CATSPERB: variants seen among roughly 807,000 people sequenced by gnomAD.
CATSPERB encodes the protein catsper channel auxiliary subunit beta, also known as cation channel sperm-associated auxiliary subunit beta.
In CATSPERB, 93 loss-of-function variants were observed where a neutral mutation model predicts 128.3. The ratio of observed to expected loss-of-function variants is 0.72; its 90% confidence interval spans 0.61 to 0.86. CATSPERB has a LOEUF of 0.86. Among genes scored for constraint, CATSPERB ranks in the 40% least tolerant of loss-of-function variants. CATSPERB has a pLI of 0.00. For synonymous variants in CATSPERB, 381 were observed against 448.8 expected (o/e 0.85, Z 1.91); for missense variants, 1,153 against 1,329.5 (o/e 0.87, Z 2.06).
chr14:91,651,626 AC>A (rs1894706268), intron 15 of CATSPERB, among the ~76,000 whole-genome samples: 1 of 152,142 alleles, frequency 6.6e-6, no homozygotes, highest in African/African-American at 2.4e-5. Flanking sequence ...TGAACAGATG[AC>A]CACTTATGCC....
In CATSPERB at chr14:91,711,078, G is replaced by A. The variant is rs75064198; in HGVS notation, c.371-2842C>T. Among the ~76,000 whole-genome samples the A allele has an allele frequency of 3.3e-5, 5 of 152,290 alleles. No homozygotes were observed. The East Asian group carries it at 9.6e-4, about 29-fold the overall frequency. ...TATGTGAAACTTAAAGACATCAGCT[G>A]AGTCCATCTGATAATTCAGTGCCAG... On this transcript the variant is annotated intron_variant, in intron 5 of 26. Coordinates refer to ENST00000256343, the MANE Select transcript of CATSPERB (RefSeq NM_024764.4).
At chr14:91,685,819 G>C (rs1895364200) in intron 10 of CATSPERB, among the ~76,000 whole-genome samples, 1 of 152,174 alleles carries the variant, frequency 6.6e-6, no homozygotes, top group Non-Finnish European at 1.5e-5. Flanking sequence ...CAGGCAGGAT[G>C]GCTGCAGTAG....
At chr14:91,674,856 T>G (rs1467210550) in intron 11 of CATSPERB, among the ~76,000 whole-genome samples, 3 of 152,182 alleles carry the variant, frequency 2.0e-5, no homozygotes, top group Non-Finnish European at 4.4e-5. Flanking sequence ...AGATAGCCAC[T>G]GGGACAGGAC....
chr14:91,676,828 CAA>C (rs1895199719), intron 11 of CATSPERB, among the ~76,000 whole-genome samples: 1 of 152,208 alleles, frequency 6.6e-6, no homozygotes, highest in African/African-American at 2.4e-5. Context: ...AACTATACTA[CAA>C]GTCTACAGTA....
chr14:91,641,137 C>A (rs955432718), intron 15 of CATSPERB, among the ~76,000 whole-genome samples: 3 of 143,120 alleles, frequency 2.1e-5, no homozygotes, highest in African/African-American at 7.9e-5. Context: ...TGGATATTAG[C>A]CCTTTGTCAG....
chr14:91,682,775 T>C (rs370810358), intron 11 of CATSPERB, among the ~76,000 whole-genome samples: 1 of 152,188 alleles, frequency 6.6e-6, no homozygotes, highest in East Asian at 1.9e-4. Flanking sequence ...GATGTAGAAT[T>C]ACAAGTAGAG....
chr14:91,617,486 T>C, intron 20 of CATSPERB, 111 bp downstream of exon 20: 1 of 701,238 alleles, frequency 1.4e-6, no homozygotes, highest in Non-Finnish European at 2.3e-6. Flanking sequence ...CTCTTATGTG[T>C]GTATTTATAA....
At chr14:91,699,640 C>G (rs1012383815) in intron 7 of CATSPERB, among the ~76,000 whole-genome samples, 3 of 150,374 alleles carry the variant, frequency 2.0e-5, no homozygotes, top group Non-Finnish European at 4.4e-5. Flanking sequence ...ATGGCGCGGT[C>G]TCGGCTCACT....
chr14:91,690,737 G>T (rs1895453797), intron 10 of CATSPERB, among the ~76,000 whole-genome samples: 1 of 152,242 alleles, frequency 6.6e-6, no homozygotes, highest in Non-Finnish European at 1.5e-5. Flanking sequence ...TAGACAGTGT[G>T]AATGTGGGTA....
intron 19 of CATSPERB, among the ~76,000 whole-genome samples, chr14:91,620,435 C>T (rs1306750282): frequency 6.6e-6 from 1 of 152,106 alleles, no homozygotes; most frequent in African/African-American, 2.4e-5. Flanking sequence ...TTTGAAGTTC[C>T]CTTTTCATTT....
chr14:91,639,290 A>G, intron 15 of CATSPERB, 40 bp from the exon 16 acceptor site: 1 of 1,568,984 alleles, frequency 6.4e-7, no homozygotes, highest in Non-Finnish European at 8.7e-7. Flanking sequence ...TACTGATGTA[A>G]CAGAAGTCGA....
Position 91,619,556 on chromosome 14 carries a change from A to ATTTTTT in CATSPERB, c.2261-1821_2261-1820insAAAAAA, listed in dbSNP as rs1566706237. On this transcript the variant is annotated intron_variant, in intron 19 of 26. Coordinates refer to ENST00000256343, the MANE Select transcript of CATSPERB (RefSeq NM_024764.4). ...TTTTTCAAATAAGCCTTTTTTTTAA[A>ATTTTTT]AAAAAAATAGCATTTTGTCCTTTCA... Among the ~76,000 whole-genome samples, 308 of 54,928 alleles carry ATTTTTT rather than the reference A, an allele frequency of 5.6e-3. 1 individual carries two copies. The highest frequency in any genetic ancestry group is 0.014 in the Middle Eastern group (1 of 70). 36.0% of individuals were successfully genotyped at this position (54,928 alleles called of 152,430 possible).
chr14:91,598,270 G>T (rs1893544463), intron 22 of CATSPERB, among the ~76,000 whole-genome samples: 1 of 150,312 alleles, frequency 6.7e-6, no homozygotes. Context: ...CTTTAAATAA[G>T]CTTTGAATTA....
intron 21 of CATSPERB, among the ~76,000 whole-genome samples, chr14:91,609,946 C>T (rs934011746): frequency 6.6e-6 from 1 of 151,964 alleles, no homozygotes; most frequent in Non-Finnish European, 1.5e-5. Context: ...GTCTCGATAC[C>T]CTGACCTCAA....
At chr14:91,708,757 T>C (rs1895780426) in intron 5 of CATSPERB, among the ~76,000 whole-genome samples, 1 of 152,230 alleles carries the variant, frequency 6.6e-6, no homozygotes, top group Non-Finnish European at 1.5e-5. Flanking sequence ...TAACTATCCA[T>C]ATCAACAATT....
intron 10 of CATSPERB, among the ~76,000 whole-genome samples, chr14:91,688,118 A>G (rs1895405365): frequency 6.6e-6 from 1 of 151,822 alleles, no homozygotes; most frequent in African/African-American, 2.4e-5. Context: ...GTTCTTTTTC[A>G]TTTGTTTTAT....
Position 91,587,985 on chromosome 14 carries a change from C to T in CATSPERB, c.3050G>A (p.Ser1017Asn), listed in dbSNP as rs1482335740. 2 of 1,598,686 alleles carry T rather than the reference C, an allele frequency of 1.3e-6. No individual in the cohort carries two copies. The highest frequency in any genetic ancestry group is 2.2e-5 in the East Asian group (1 of 44,716). ...AVYNPSGLNL[S>N]IKGSELFHFR... is the part of the protein sequence containing the mutation. ...CAACAATGCCATCATTACCTTTATG[C>T]TTAAGTTGAGACCTGAAGGATTATA... Residue 1017 changes from serine (S) to asparagine (N), a missense_variant, in exon 25 of 27, where the codon AGC (serine) becomes AAC (asparagine). Coordinates refer to ENST00000256343, the MANE Select transcript of CATSPERB (RefSeq NM_024764.4).
At chr14:91,611,288 A>C (rs1478858997) in intron 20 of CATSPERB, among the ~76,000 whole-genome samples, 1 of 152,196 alleles carries the variant, frequency 6.6e-6, no homozygotes, top group Non-Finnish European at 1.5e-5. Context: ...TGGTTCGGGG[A>C]AGTATTTGGA....
intron 2 of CATSPERB, 62 bp from the exon 3 acceptor site, chr14:91,725,230 C>G (rs986583044): frequency 3.1e-5 from 21 of 673,962 alleles, no homozygotes; most frequent in Non-Finnish European, 4.0e-5. Context: ...TAAAAAGTAC[C>G]ATGTTTCTAA....
Sources: gnomAD v4.1 joint callset for allele counts (sites outside exome capture counted in the v4.1 genomes callset) on GRCh38, gnomAD v4.1.1 for gene constraint, MANE v1.5 for transcripts, NCBI Gene and HGNC (gene_info 2026-07-23, HGNC 2026-07-21) for gene names.